The following C12orf54 variants were observed in gnomAD, a reference collection of about 807,000 sequenced individuals.
C12orf54 encodes the protein chromosome 12 open reading frame 54, also known as uncharacterized protein C12orf54.
In C12orf54, 24 loss-of-function variants were observed where a neutral mutation model predicts 26.4. That is an observed-to-expected ratio of 0.91 (90% confidence interval 0.66 to 1.28). C12orf54 has a LOEUF of 1.28. C12orf54 is among the 50% of genes most tolerant of loss of function. The probability of loss-of-function intolerance (pLI) is 0.00; values close to 1 mark genes in which losing one functional copy is unlikely to be tolerated. For synonymous variants in C12orf54, 54 were observed against 47.0 expected (o/e 1.15, Z -0.61); for missense variants, 154 against 150.9 (o/e 1.02, Z -0.11).
intron 7 of C12orf54, among the ~76,000 whole-genome samples, chr12:48,494,092 G>A (rs1937857945): frequency 8.2e-6 from 1 of 121,748 alleles, no homozygotes; most frequent in Non-Finnish European, 1.7e-5. Context: ...GGTGGCAGGT[G>A]CCTGTAACCC....
At chr12:48,479,746 G>A (rs1954179585), upstream of C12orf54, among the ~76,000 whole-genome samples, 1 of 151,926 alleles carries the variant, frequency 6.6e-6, no homozygotes, top group South Asian at 2.1e-4. Context: ...TAAGTGACAT[G>A]TAATTTCTGA....
At chr12:48,487,440 T>C (rs1937675951) in intron 4 of C12orf54, among the ~76,000 whole-genome samples, 1 of 152,256 alleles carries the variant, frequency 6.6e-6, no homozygotes, top group Admixed American at 6.5e-5. Context: ...AAATGAATAA[T>C]GTGTCCAACA....
chr12:48,495,000 T>C (rs1369036949), intron 8 of C12orf54, 21 bp downstream of exon 8: 4 of 1,555,340 alleles, frequency 2.6e-6, no homozygotes, highest in Non-Finnish European at 3.5e-6. Flanking sequence ...CAAGCAGCCT[T>C]TCCCCTGAGC....
chr12:48,472,940 T>C, the C12orf54 span: 3 of 1,613,996 alleles, frequency 1.9e-6, no homozygotes, highest in East Asian at 4.5e-5. Flanking sequence ...ACCTCATACA[T>C]CTAAATTTAA....
the C12orf54 span, among the ~76,000 whole-genome samples, chr12:48,465,897 A>G: frequency 1.3e-5 from 2 of 152,254 alleles, no homozygotes; most frequent in Admixed American, 1.3e-4. Context: ...GAGAACTTCT[A>G]TCTATGATAT....
the C12orf54 span, among the ~76,000 whole-genome samples, chr12:48,444,932 G>A: frequency 1.3e-5 from 2 of 152,156 alleles, no homozygotes; most frequent in South Asian, 2.1e-4. Flanking sequence ...CAGCACTTTG[G>A]GAGGCCGAGG....
the C12orf54 span, among the ~76,000 whole-genome samples, chr12:48,431,993 TA>T: frequency 6.6e-6 from 1 of 152,122 alleles, no homozygotes; most frequent in African/African-American, 2.4e-5. Flanking sequence ...ATAAAGTTCT[TA>T]AAAAGAAAAG....
chr12:48,481,901 C>T (rs901434195), upstream of C12orf54, among the ~76,000 whole-genome samples: 2 of 152,158 alleles, frequency 1.3e-5, no homozygotes, highest in Non-Finnish European at 2.9e-5. Flanking sequence ...CCCTTGGTTC[C>T]TTCTGTTCTT....
chr12:48,472,836 G>A, the C12orf54 span: 1 of 1,614,086 alleles, frequency 6.2e-7, no homozygotes, highest in South Asian at 1.1e-5. Flanking sequence ...CACCTCAATT[G>A]CAAACTTGCC....
the C12orf54 span, among the ~76,000 whole-genome samples, chr12:48,425,666 C>T: frequency 6.6e-6 from 1 of 152,070 alleles, no homozygotes; most frequent in Admixed American, 6.6e-5. Context: ...CTTACCACAA[C>T]AGTTGAACTA....
chr12:48,478,185 C>T (rs1954163344), upstream of C12orf54, among the ~76,000 whole-genome samples: 1 of 152,128 alleles, frequency 6.6e-6, no homozygotes, highest in Non-Finnish European at 1.5e-5. Context: ...AGGCCTTTGA[C>T]AAAATTCAAC....
the C12orf54 span, among the ~76,000 whole-genome samples, chr12:48,448,641 C>T: frequency 1.3e-5 from 2 of 152,178 alleles, no homozygotes; most frequent in African/African-American, 2.4e-5. Context: ...CCCGTTGTTA[C>T]ATTTTAAATT....
chr12:48,414,083 C>A, the C12orf54 span, among the ~76,000 whole-genome samples: 1 of 152,176 alleles, frequency 6.6e-6, no homozygotes, highest in Non-Finnish European at 1.5e-5. Context: ...ATTGATAAAG[C>A]GACAAACTGT....
chr12:48,419,605 A>AT, the C12orf54 span, among the ~76,000 whole-genome samples: 1 of 152,194 alleles, frequency 6.6e-6, no homozygotes, highest in South Asian at 2.1e-4. Context: ...GTAGGAGAGA[A>AT]TGACCCCACT....
the C12orf54 span, chr12:48,473,655 G>C: frequency 1.2e-5 from 3 of 256,806 alleles, no homozygotes; most frequent in Admixed American, 9.5e-5. Flanking sequence ...CTTGTGTCCA[G>C]TTTTTGTCCC....
chr12:48,433,455 TGGG>T, the C12orf54 span, among the ~76,000 whole-genome samples: 10,787 of 134,766 alleles, frequency 0.08, 971 homozygotes, highest in East Asian at 0.39. Flanking sequence ...AGCTTTTTTT[TGGG>T]GGGGGGGGGG....
At chr12:48,481,851 G>A (rs539942959), upstream of C12orf54, among the ~76,000 whole-genome samples, 2 of 152,216 alleles carry the variant, frequency 1.3e-5, no homozygotes, top group Non-Finnish European at 2.9e-5. Context: ...CTCTCTCTGA[G>A]GCTGCTCCTC....
chr12:48,413,347 G>A, the C12orf54 span, among the ~76,000 whole-genome samples: 19 of 152,240 alleles, frequency 1.2e-4, no homozygotes, highest in East Asian at 3.7e-3. Context: ...TCAACAGTTT[G>A]ATTTTTCTAT....
chr12:48,482,111 C>G (rs1308990481), upstream of C12orf54, among the ~76,000 whole-genome samples: 2 of 152,188 alleles, frequency 1.3e-5, no homozygotes, highest in Non-Finnish European at 2.9e-5. Flanking sequence ...ATTCACAAAT[C>G]TTTGGTGATT....
Sources: gnomAD v4.1 joint callset for allele counts (sites outside exome capture counted in the v4.1 genomes callset) on GRCh38, gnomAD v4.1.1 for gene constraint, MANE v1.5 for transcripts, NCBI Gene and HGNC (gene_info 2026-07-23, HGNC 2026-07-21) for gene names.